The following WAC variants were observed in gnomAD, a reference collection of about 807,000 sequenced individuals.
WAC encodes the protein WW domain-containing adapter protein with coiled-coil.
Under a neutral mutation model 79.6 loss-of-function variants are expected in WAC, and 11 were observed. The ratio of observed to expected loss-of-function variants is 0.14; its 90% CI spans 0.09 to 0.23. WAC has a LOEUF of 0.23. Ranked by LOEUF, WAC falls within the 10% of genes least tolerant of loss-of-function variation. The pLI is 1.00. For missense variants in WAC, 728 were observed against 773.5 expected (o/e 0.94, Z 0.70); for synonymous variants, 304 against 276.9 (o/e 1.10, Z -0.97).
rs563138869 is a variant in WAC, at chr10:28,563,819, C to CGT, written c.275-19578_275-19577dup. ...GTTTCAACATGTTGGCCAGGATGGT[C>CGT]GTGATCTCCTGACCTCGTGATCCGC... is the stretch of plus-strand genomic sequence containing the variant. On this transcript the variant is annotated intron_variant, in intron 3 of 13. Coordinates refer to ENST00000354911, the MANE Select transcript of WAC (RefSeq NM_016628.5). Among the ~76,000 whole-genome samples, 51 of 136,472 alleles carry CGT rather than the reference C, an allele frequency of 3.7e-4. No individual in the cohort carries two copies. The East Asian group carries it at 8.4e-3, about 22-fold the overall frequency. 89.5% of individuals were successfully genotyped at this position (136,472 alleles called of 152,430 possible). A position where few individuals can be genotyped will look rare whatever the true frequency, so the allele number is the denominator to read the frequency against.
chr10:28,556,542 G>A (rs879756435), intron 3 of WAC, among the ~76,000 whole-genome samples: 6 of 149,178 alleles, frequency 4.0e-5, no homozygotes, highest in Admixed American at 2.7e-4. Flanking sequence ...TCTTTTTTTC[G>A]TGCAAGAAGC....
At chr10:28,593,922 T>C (rs1192415494) in intron 6 of WAC, among the ~76,000 whole-genome samples, 1 of 152,180 alleles carries the variant, frequency 6.6e-6, no homozygotes, top group Non-Finnish European at 1.5e-5. Context: ...GAAGCACTAA[T>C]GACACTTTGG....
At chr10:28,570,872 G>A (rs1386125831) in intron 3 of WAC, among the ~76,000 whole-genome samples, 1 of 149,164 alleles carries the variant, frequency 6.7e-6, no homozygotes, top group East Asian at 2.0e-4. Context: ...GCTTTAAATA[G>A]TTGGGGAAAA....
intron 3 of WAC, among the ~76,000 whole-genome samples, chr10:28,558,997 A>G (rs1269576632): frequency 6.6e-6 from 1 of 152,190 alleles, no homozygotes; most frequent in Non-Finnish European, 1.5e-5. Context: ...AATGTGTAAA[A>G]TAAAGCTTTG....
chr10:28,593,639 G>A (rs951430730), intron 6 of WAC, among the ~76,000 whole-genome samples: 4 of 151,232 alleles, frequency 2.6e-5, no homozygotes, highest in African/African-American at 9.7e-5. Context: ...GTGGTGGTGC[G>A]CGCCTGTAAT....
At chr10:28,546,852 TCA>T (rs750389883) in intron 3 of WAC, among the ~76,000 whole-genome samples, 56 of 150,510 alleles carry the variant, frequency 3.7e-4, no homozygotes, top group Non-Finnish European at 7.0e-4. Flanking sequence ...AAATGTAATT[TCA>T]GTTTTGATTT....
chr10:28,594,355 T>A (rs117700759), intron 6 of WAC, among the ~76,000 whole-genome samples: 2,396 of 152,324 alleles, frequency 0.016, 28 homozygotes, highest in Middle Eastern at 0.037. Flanking sequence ...GGTTTCTGTC[T>A]TAGTTGTACC....
In WAC at chr10:28,533,992, T is replaced by A; in HGVS notation, c.42-6T>A. ...TATGTCGCTGCCTTCTCTTCCTGTT[T>A]TTCAGCTGTCACGACCGGAGGGGGG... On this transcript the variant is annotated splice_region_variant and splice_polypyrimidine_tract_variant and intron_variant, in intron 1 of 13. Transcript: ENST00000354911. 6.2e-7 allele frequency: 1 copy of A among 1,605,082 alleles called. No homozygotes were observed. Among genetic ancestry groups the A allele is most frequent in the Non-Finnish European group, 8.5e-7 (1 of 1,176,006 alleles).
chr10:28,581,750 G>C (rs1839548946), intron 3 of WAC, among the ~76,000 whole-genome samples: 1 of 151,860 alleles, frequency 6.6e-6, no homozygotes, highest in Admixed American at 6.6e-5. Context: ...TAGTAGAGAT[G>C]GGGTTTTACC....
At chr10:28,566,203 T>A (rs1229422528) in intron 3 of WAC, among the ~76,000 whole-genome samples, 1 of 152,196 alleles carries the variant, frequency 6.6e-6, no homozygotes, top group African/African-American at 2.4e-5. Context: ...TATACCAGCT[T>A]TGGCATATAA....
At position 28,617,637 on chromosome 10, in the gene WAC, C is replaced by T. The variant is rs1387006242; in HGVS notation, c.1747-20C>T. 1 of 1,533,214 alleles carries T rather than the reference C, an allele frequency of 6.5e-7. No homozygotes were observed. The highest frequency in any genetic ancestry group is 8.7e-7 in the Non-Finnish European group (1 of 1,149,930). 95.0% of individuals were successfully genotyped at this position (1,533,214 alleles called of 1,614,324 possible). A position where few individuals can be genotyped will look rare whatever the true frequency, so the allele number is the denominator to read the frequency against. The stretch of plus-strand genomic sequence containing the variant: ...TGTTAATGTTTATATTTTATGTTTT[C>T]TTCATTTCTTTAATTACAGGCATCA... On this transcript the variant is annotated intron_variant, in intron 12 of 13. Transcript: ENST00000354911.
At chr10:28,537,484 A>G (rs938760748) in intron 3 of WAC, 1 of 152,228 alleles carries the variant, frequency 6.6e-6, no homozygotes, top group African/African-American at 2.4e-5. Flanking sequence ...TATTTTAGTG[A>G]CTATGATCCA....
chr10:28,606,708 A>C (rs1840971469), intron 7 of WAC, among the ~76,000 whole-genome samples: 1 of 152,232 alleles, frequency 6.6e-6, no homozygotes, highest in South Asian at 2.1e-4. Context: ...TTCTAGTTTT[A>C]TACTAAAAGC....
intron 3 of WAC, among the ~76,000 whole-genome samples, chr10:28,581,795 C>T (rs541238298): frequency 2.0e-5 from 3 of 152,194 alleles, no homozygotes; most frequent in African/African-American, 4.8e-5. Context: ...TCCTGGACCT[C>T]GGGTGATCCA....
chr10:28,575,646 G>A (rs1245527909), intron 3 of WAC, among the ~76,000 whole-genome samples: 4 of 152,150 alleles, frequency 2.6e-5, no homozygotes, highest in Non-Finnish European at 2.9e-5. Flanking sequence ...GGAAATGTTT[G>A]TTCAGATTTT....
chr10:28,571,459 T>C (rs1019809760), intron 3 of WAC, among the ~76,000 whole-genome samples: 2 of 152,224 alleles, frequency 1.3e-5, no homozygotes, highest in African/African-American at 4.8e-5. Context: ...CAGACTGTTG[T>C]ACTTTGCCCT....
chr10:28,593,725 T>A (rs538927337), intron 6 of WAC, among the ~76,000 whole-genome samples: 4 of 106,316 alleles, frequency 3.8e-5, no homozygotes, highest in Non-Finnish European at 7.4e-5. Context: ...CCAGTGAGAC[T>A]CTCTCAAAAA....
At chr10:28,552,749 G>A (rs1191331613) in intron 3 of WAC, among the ~76,000 whole-genome samples, 2 of 150,914 alleles carry the variant, frequency 1.3e-5, no homozygotes, top group Non-Finnish European at 3.0e-5. Context: ...GAATTAAAAT[G>A]AGAAAAAAAG....
At chr10:28,566,324 T>A (rs1441304048) in intron 3 of WAC, among the ~76,000 whole-genome samples, 1 of 152,152 alleles carries the variant, frequency 6.6e-6, no homozygotes, top group Non-Finnish European at 1.5e-5. Flanking sequence ...TATAAAAAAA[T>A]AGAAAAAGTG....
Sources: gnomAD v4.1 joint callset for allele counts (sites outside exome capture counted in the v4.1 genomes callset) on GRCh38, gnomAD v4.1.1 for gene constraint, MANE v1.5 for transcripts, NCBI Gene and HGNC (gene_info 2026-07-23, HGNC 2026-07-21) for gene names.